C8orf34: variants seen among roughly 807,000 people sequenced by gnomAD.
C8orf34 encodes the protein uncharacterized protein C8orf34.
In C8orf34, 65 loss-of-function variants were observed where a neutral mutation model predicts 68.3. That is an observed-to-expected ratio of 0.95 (90% CI 0.78 to 1.17). C8orf34 has a LOEUF of 1.17. Ranked by LOEUF, C8orf34 falls within the 50% of genes most tolerant of loss-of-function variation. The pLI is 0.00. For missense variants in C8orf34, 664 were observed against 655.4 expected (o/e 1.01, Z -0.14); for synonymous variants, 244 against 241.2 (o/e 1.01, Z -0.11).
chr8:68,591,842 C>T (rs922464378), intron 7 of C8orf34, among the ~76,000 whole-genome samples: 4 of 152,004 alleles, frequency 2.6e-5, no homozygotes, highest in African/African-American at 9.7e-5. Flanking sequence ...AATGAATTGC[C>T]CATGATCAGA....
chr8:68,373,016 A>T (rs1220337906), intron 1 of C8orf34, among the ~76,000 whole-genome samples: 1 of 152,084 alleles, frequency 6.6e-6, no homozygotes, highest in Non-Finnish European at 1.5e-5. Flanking sequence ...TGTTTTTGAG[A>T]CAGAGTTTTG....
At chr8:68,567,795 G>T (rs1816641264) in intron 7 of C8orf34, among the ~76,000 whole-genome samples, 1 of 150,258 alleles carries the variant, frequency 6.7e-6, no homozygotes, top group South Asian at 2.1e-4. Flanking sequence ...GCTTTCTTCT[G>T]CTGGGTTTGG....
rs183660676 is a variant in C8orf34, at chr8:68,552,703, A to G, written c.1105+19554A>G. On this transcript the variant is annotated intron_variant, in intron 7 of 13. Transcript: ENST00000518698. Reference sequence around the variant, plus strand: ...AACATTAAGTATATGTTGGCTGTGGATTTTTTGTAGATTCTCTGTTAACTT... The same window carrying G: ...AACATTAAGTATATGTTGGCTGTGGGTTTTTTGTAGATTCTCTGTTAACTT... Among the ~76,000 whole-genome samples, 578 of 152,090 alleles carry G rather than the reference A, an allele frequency of 3.8e-3. 6 individuals carry two copies. The highest frequency in any genetic ancestry group is 0.013 in the African/African-American group (559 of 41,514).
chr8:68,533,205 G>C, intron 7 of C8orf34, 56 bp downstream of exon 7: 3 of 1,529,364 alleles, frequency 2.0e-6, no homozygotes, highest in Non-Finnish European at 1.7e-6. Flanking sequence ...TAAAAAAAAC[G>C]TGTGGTGATT....
At position 68,807,400 on chromosome 8, in the gene C8orf34, T is replaced by C. The variant is rs990115984; in HGVS notation, c.1550-8486T>C. Among the ~76,000 whole-genome samples the C allele has an allele frequency of 2.0e-5, 3 of 152,248 alleles. No homozygotes were observed. In the South Asian group the frequency reaches 6.2e-4, roughly 31 times the overall value. On this transcript the variant is annotated intron_variant, in intron 12 of 13. Coordinates refer to ENST00000518698, the MANE Select transcript of C8orf34 (RefSeq NM_052958.4). Reference sequence around the variant, plus strand: ...AACTCTGAGTATAATTCTGAATAAATGTAGTGTGTTTCCCTCTTTAAATGC... The same window carrying C: ...AACTCTGAGTATAATTCTGAATAAACGTAGTGTGTTTCCCTCTTTAAATGC...
At chr8:68,423,676 C>A (rs964177733) in intron 1 of C8orf34, among the ~76,000 whole-genome samples, 1 of 152,104 alleles carries the variant, frequency 6.6e-6, no homozygotes, top group Non-Finnish European at 1.5e-5. Context: ...ACAGCAGCAC[C>A]CCACTATCTC....
intron 12 of C8orf34, among the ~76,000 whole-genome samples, chr8:68,807,625 G>GT (rs1415587102): frequency 6.6e-6 from 1 of 152,094 alleles, no homozygotes; most frequent in South Asian, 2.1e-4. Flanking sequence ...ATTCTTTGGT[G>GT]TTTTTTCTTG....
intron 6 of C8orf34, among the ~76,000 whole-genome samples, chr8:68,529,791 T>C (rs1367321797): frequency 6.6e-6 from 1 of 152,186 alleles, no homozygotes; most frequent in Non-Finnish European, 1.5e-5. Flanking sequence ...TTATGTTTTA[T>C]AAACTGACAT....
chr8:68,601,790 A>C (rs1392167479), intron 7 of C8orf34, among the ~76,000 whole-genome samples: 1 of 152,104 alleles, frequency 6.6e-6, no homozygotes, highest in Non-Finnish European at 1.5e-5. Context: ...CTTGGTATGA[A>C]GACTGATTTT....
At chr8:68,341,764 G>A (rs534266587) in intron 1 of C8orf34, among the ~76,000 whole-genome samples, 48 of 152,306 alleles carry the variant, frequency 3.2e-4, no homozygotes, top group African/African-American at 8.4e-4. Context: ...CCCTGAGGCC[G>A]TCCCAGAAGC....
At chr8:68,376,803 C>T (rs1015604372) in intron 1 of C8orf34, among the ~76,000 whole-genome samples, 2 of 152,054 alleles carry the variant, frequency 1.3e-5, no homozygotes, top group Non-Finnish European at 2.9e-5. Flanking sequence ...TGGATAACTA[C>T]CCTTCATCTA....
At chr8:68,671,771 T>C (rs1034757904) in intron 8 of C8orf34, among the ~76,000 whole-genome samples, 3 of 152,208 alleles carry the variant, frequency 2.0e-5, no homozygotes, top group Non-Finnish European at 4.4e-5. Context: ...GTTTATTTCT[T>C]ATTAAATTAA....
intron 7 of C8orf34, chr8:68,534,122 A>T (rs1367078175): frequency 1.0e-6 from 1 of 983,730 alleles, no homozygotes; most frequent in Non-Finnish European, 1.2e-6. Context: ...ATAAAAAATG[A>T]TATATTGCTT....
intron 1 of C8orf34, among the ~76,000 whole-genome samples, chr8:68,382,086 G>A (rs1192403593): frequency 6.6e-6 from 1 of 152,170 alleles, no homozygotes; most frequent in East Asian, 1.9e-4. Flanking sequence ...TTCCATTCAT[G>A]ATGTATTCCA....
At chr8:68,622,871 T>G (rs899539905) in intron 7 of C8orf34, among the ~76,000 whole-genome samples, 1 of 152,248 alleles carries the variant, frequency 6.6e-6, no homozygotes, top group Non-Finnish European at 1.5e-5. Flanking sequence ...TCAATTTAAC[T>G]GTCTCTTTCA....
At chr8:68,474,121 G>A (rs904100034) in intron 4 of C8orf34, among the ~76,000 whole-genome samples, 1 of 151,996 alleles carries the variant, frequency 6.6e-6, no homozygotes, top group Non-Finnish European at 1.5e-5. Flanking sequence ...TCACCCCTAC[G>A]CAGCTAACTC....
intron 4 of C8orf34, among the ~76,000 whole-genome samples, chr8:68,475,498 C>A (rs1249500873): frequency 6.6e-6 from 1 of 152,118 alleles, no homozygotes; most frequent in African/African-American, 2.4e-5. Context: ...CTGAGACCTC[C>A]CCCTAGTCAG....
At chr8:68,785,992 C>G (rs534466538) in intron 11 of C8orf34, among the ~76,000 whole-genome samples, 3 of 152,276 alleles carry the variant, frequency 2.0e-5, no homozygotes, top group South Asian at 4.1e-4. Context: ...CATTTAATGA[C>G]TGGTGGTGTC....
intron 7 of C8orf34, among the ~76,000 whole-genome samples, chr8:68,596,018 T>G (rs1817537872): frequency 6.6e-6 from 1 of 152,200 alleles, no homozygotes; most frequent in Non-Finnish European, 1.5e-5. Flanking sequence ...TCCATTATGA[T>G]TATTGTTCAA....
Sources: allele counts gnomAD v4.1 joint callset (sites outside exome capture counted in the v4.1 genomes callset), GRCh38; gene constraint gnomAD v4.1.1; transcripts MANE v1.5; gene names NCBI Gene and HGNC (gene_info 2026-07-23, HGNC 2026-07-21).